ZBED5: variants seen among roughly 807,000 people sequenced by gnomAD.
ZBED5 encodes the protein zinc finger BED domain-containing protein 5.
A neutral mutation model predicts 49.2 loss-of-function variants in ZBED5; 29 were observed. That is an observed-to-expected ratio of 0.59 (90% CI 0.44 to 0.80). The LOEUF is 0.80. ZBED5 is among the 30% of genes least tolerant of loss of function. The pLI is 0.00. For missense variants in ZBED5, 775 were observed against 812.9 expected (o/e 0.95, Z 0.57); for synonymous variants, 281 against 292.5 (o/e 0.96, Z 0.40).
chr11:10,852,854 TC>T lies in ZBED5; in HGVS notation c.*9del. 1.3e-6 allele frequency: 2 copies of T among 1,510,184 alleles called. No individual in the cohort carries two copies. The highest frequency in any genetic ancestry group is 1.8e-6 in the Non-Finnish European group (2 of 1,119,686). 93.5% of individuals were successfully genotyped at this position (1,510,184 alleles called of 1,614,324 possible). ...TTTGGTTATCATGAGACATGCAAAC[TC>T]CTCCAATTTTAATGAGAACAGTGTT... On this transcript the variant is annotated 3_prime_UTR_variant, in exon 3 of 3. Coordinates refer to ENST00000413761, the MANE Select transcript of ZBED5 (RefSeq NM_001143667.2).
rs1848116658 is a variant in ZBED5, at chr11:10,852,730, C to A, written c.*134G>T. ...ATGTTTAAAACGTTTGATTCTTTAG[C>A]CTTCTTAAAATCTAAATAGTATAAA... On this transcript the variant is annotated 3_prime_UTR_variant, in exon 3 of 3. Transcript: ENST00000413761. 6 of 1,324,862 alleles carry A rather than the reference C, an allele frequency of 4.5e-6. No homozygotes were observed. The South Asian group carries it at 7.3e-5, about 16-fold the overall frequency. 82.1% of individuals were successfully genotyped at this position (1,324,862 alleles called of 1,614,324 possible).
intron 1 of ZBED5, among the ~76,000 whole-genome samples, chr11:10,856,507 A>ACAC (rs1198867431): frequency 6.6e-6 from 1 of 152,200 alleles, no homozygotes; most frequent in Non-Finnish European, 1.5e-5. Flanking sequence ...TGTTAAAACA[A>ACAC]CACCACCACC....
rs748714641 is a variant in ZBED5, at chr11:10,853,742, TATA to T, written c.1201_1203del (p.Tyr401del). On this transcript the variant is annotated inframe_deletion, in exon 3 of 3. Coordinates refer to ENST00000413761, the MANE Select transcript of ZBED5 (RefSeq NM_001143667.2). The surrounding 1 kb of genome is among the most constrained non-coding windows in gnomAD (Gnocchi z 5.4). ...CTGGATTGATGTGGTCGAGCTTTAA[TATA>T]ATTGATGATTTGTACTGCCTGGTCT... The T allele has an allele frequency of 8.5e-5, 132 of 1,551,532 alleles. No homozygotes were observed. The highest frequency in any genetic ancestry group is 1.1e-4 in the Non-Finnish European group (127 of 1,146,938).
chr11:10,853,623 A>G lies in ZBED5; in HGVS notation c.1323T>C (p.Leu441=), dbSNP rs1174092477. 6.4e-7 allele frequency: 1 copy of G among 1,551,514 alleles called. No individual in the cohort carries two copies. The highest frequency in any genetic ancestry group is 8.7e-7 in the Non-Finnish European group (1 of 1,146,956). ...CACGACGAAGTTCAAAAAGTCTTAC[A>G]AGAACTTTACCTCGAGAAAGCCACC... ...EVRWLSRGKV[L]VRLFELRREL... The change falls in exon 3 of 3, where the codon CTT becomes CTC. Residue 441 remains leucine (L), a synonymous_variant. Coordinates refer to ENST00000413761, the MANE Select transcript of ZBED5 (RefSeq NM_001143667.2). The surrounding 1 kb of genome is among the most constrained non-coding windows in gnomAD (Gnocchi z 5.4).
rs1429286577 is a variant in ZBED5 at position 10,855,567 on chromosome 11, C to T, written c.-141-481G>A. 6.6e-6 allele frequency: 1 copy of T among 152,172 alleles called. No homozygotes were observed. Among genetic ancestry groups the T allele is most frequent in the Non-Finnish European group, 1.5e-5 (1 of 68,064 alleles). 9.4% of individuals were successfully genotyped at this position (152,172 alleles called of 1,614,324 possible). A position where few individuals can be genotyped will look rare whatever the true frequency, so the allele number is the denominator to read the frequency against. ...GTGAAATCTCTTTTAGCTTTTGATGCCTACTGTCATTAGATGTATTAGTTG... is the reference window on the plus strand; with the variant it reads ...GTGAAATCTCTTTTAGCTTTTGATGTCTACTGTCATTAGATGTATTAGTTG... On this transcript the variant is annotated intron_variant, in intron 2 of 2. Coordinates refer to ENST00000413761, the MANE Select transcript of ZBED5 (RefSeq NM_001143667.2). The surrounding 1 kb of genome is among the most constrained non-coding windows in gnomAD (Gnocchi z 4.1).
Position 10,854,467 on chromosome 11 carries a change from T to C in ZBED5, c.479A>G (p.Tyr160Cys), listed in dbSNP as rs1324183819. ...RRHLETKHAA[Y>C]KDKDISFFKQ... ...GAAAAAGCTTATGTCTTTGTCTTTATATGCAGCATGTTTAGTTTCCAAATG... is the reference window on the plus strand; with the variant it reads ...GAAAAAGCTTATGTCTTTGTCTTTACATGCAGCATGTTTAGTTTCCAAATG... Residue 160 changes from tyrosine to cysteine, a missense_variant, in exon 3 of 3, where the codon TAT (tyrosine) becomes TGT (cysteine). Transcript: ENST00000413761. This position sits in a 1 kb window ranked among gnomAD's most constrained non-coding sequence, Gnocchi z 5.0. 4 of 1,551,376 alleles carry C rather than the reference T, an allele frequency of 2.6e-6. No homozygotes were observed. The highest frequency in any genetic ancestry group is 2.6e-6 in the Non-Finnish European group (3 of 1,146,920).
At position 10,853,136 on chromosome 11, in the gene ZBED5, C is replaced by A. The variant is rs1410233341; in HGVS notation, c.1810G>T (p.Val604Leu). 4 of 1,551,648 alleles carry A rather than the reference C, an allele frequency of 2.6e-6. No homozygotes were observed. Among genetic ancestry groups the A allele is most frequent in the Non-Finnish European group, 3.5e-6 (4 of 1,146,964 alleles). The change falls in exon 3 of 3, where the codon GTG (valine) becomes TTG (leucine). Residue 604 changes from valine (V) to leucine (L), a missense_variant. Val to Leu is a conservative substitution (Grantham distance 32). Coordinates refer to ENST00000413761, the MANE Select transcript of ZBED5 (RefSeq NM_001143667.2). This position sits in a 1 kb window ranked among gnomAD's most constrained non-coding sequence, Gnocchi z 5.4. ...SLIDLTSDSQVKQNFSELSLN... is the reference protein window; with the variant it reads ...SLIDLTSDSQLKQNFSELSLN... ...GAAAGTTCACTAAAATTTTGCTTCA[C>A]TTGAGAATCAGATGTTAAATCAATC...
rs1298239390 is a variant in ZBED5, at chr11:10,852,973, T to A, written c.1973A>T (p.Tyr658Phe). Residue 658 changes from tyrosine to phenylalanine, a missense_variant, in exon 3 of 3, where the codon TAT (tyrosine) becomes TTT (phenylalanine). Tyr to Phe is a conservative substitution (Grantham distance 22). Transcript: ENST00000413761. ...FSYYAATKTK[Y>F]RKRLDAAPHM... Reference sequence around the variant, plus strand: ...AGGTGCAGCATCAAGTCTTTTCCTATATTTTGTTTTTGTTGCAGCGTAATA... The same window carrying A: ...AGGTGCAGCATCAAGTCTTTTCCTAAATTTTGTTTTTGTTGCAGCGTAATA... 1.9e-6 allele frequency: 3 copies of A among 1,551,534 alleles called. No individual in the cohort carries two copies. In the South Asian group the frequency reaches 3.6e-5, roughly 18 times the overall value.
chr11:10,856,818 C>G (rs1642214572), intron 1 of ZBED5, among the ~76,000 whole-genome samples: 1 of 152,212 alleles, frequency 6.6e-6, no homozygotes, highest in Non-Finnish European at 1.5e-5. Flanking sequence ...CACAGGTTAA[C>G]ACATCTCGCT....
rs1002584755 is a variant in ZBED5 at position 10,855,898 on chromosome 11, T to A, written c.-142+246A>T. ...TTAACCAGGACCTAAAAAAAAAAAA[T>A]AAACTCTCATTTAAGAGGTTTATTT... On this transcript the variant is annotated intron_variant, in intron 2 of 2. Coordinates refer to ENST00000413761, the MANE Select transcript of ZBED5 (RefSeq NM_001143667.2). This position sits in a 1 kb window ranked among gnomAD's most constrained non-coding sequence, Gnocchi z 4.1. The A allele has an allele frequency of 2.7e-4, 41 of 151,202 alleles. No individual in the cohort carries two copies. The highest frequency in any genetic ancestry group is 9.0e-4 in the African/African-American group (37 of 41,114). 9.4% of individuals were successfully genotyped at this position (151,202 alleles called of 1,614,324 possible). A position where few individuals can be genotyped will look rare whatever the true frequency, so the allele number is the denominator to read the frequency against.
At position 10,854,735 on chromosome 11, in the gene ZBED5, C is replaced by T; in HGVS notation, c.211G>A (p.Glu71Lys). The T allele has an allele frequency of 6.4e-7, 1 of 1,551,754 alleles. No homozygotes were observed. Among genetic ancestry groups the T allele is most frequent in the African/African-American group, 1.4e-5 (1 of 73,170 alleles). The change falls in exon 3 of 3, where the codon GAA (glutamate) becomes AAA (lysine). Residue 71 changes from glutamate to lysine, a missense_variant. By Grantham distance (56) the Glu-to-Lys change is moderately conservative. Coordinates refer to ENST00000413761, the MANE Select transcript of ZBED5 (RefSeq NM_001143667.2). The surrounding 1 kb of genome is among the most constrained non-coding windows in gnomAD (Gnocchi z 5.0). Reference sequence around the variant, plus strand: ...ACTGAAGGTTGCAACTGCTTATCTTCACTTTGTAATATTCCAACCTTCTGA... The same window carrying T: ...ACTGAAGGTTGCAACTGCTTATCTTTACTTTGTAATATTCCAACCTTCTGA... ...NDQKVGILQS[E>K]DKQLQPSVSK...
rs1848133238 is a variant in ZBED5, at chr11:10,853,625, G to C, written c.1321C>G (p.Leu441Val). Residue 441 changes from leucine (L) to valine (V), a missense_variant, in exon 3 of 3, where the codon CTT (leucine) becomes GTT (valine). By Grantham distance (32) the Leu-to-Val change is conservative (BLOSUM62 1). Coordinates refer to ENST00000413761, the MANE Select transcript of ZBED5 (RefSeq NM_001143667.2). This position sits in a 1 kb window ranked among gnomAD's most constrained non-coding sequence, Gnocchi z 5.4. ...CGACGAAGTTCAAAAAGTCTTACAAGAACTTTACCTCGAGAAAGCCACCTC... is the reference window on the plus strand; with the variant it reads ...CGACGAAGTTCAAAAAGTCTTACAACAACTTTACCTCGAGAAAGCCACCTC... ...EVRWLSRGKV[L>V]VRLFELRREL... is the part of the protein sequence containing the mutation. The C allele has an allele frequency of 3.2e-6, 5 of 1,551,558 alleles. No individual in the cohort carries two copies. Among genetic ancestry groups the C allele is most frequent in the Non-Finnish European group, 4.4e-6 (5 of 1,146,926 alleles).
chr11:10,856,193 C>CT lies in ZBED5; in HGVS notation c.-192dup, dbSNP rs2119524034. 6.6e-6 allele frequency: 1 copy of CT among 152,176 alleles called. No homozygotes were observed. Among genetic ancestry groups the CT allele is most frequent in the South Asian group, 2.1e-4 (1 of 4,826 alleles). 9.4% of individuals were successfully genotyped at this position (152,176 alleles called of 1,614,324 possible). Reference sequence around the variant, plus strand: ...GTAATCCCTCTCTCCACCTTGGCAGCTTGAAATGCACTCTTCAAAAGAATA... The same window carrying CT: ...GTAATCCCTCTCTCCACCTTGGCAGCTTTGAAATGCACTCTTCAAAAGAATA... On this transcript the variant is annotated 5_prime_UTR_variant, in exon 2 of 3. Transcript: ENST00000413761.
Position 10,852,775 on chromosome 11 carries a change from T to G in ZBED5, c.*89A>C, listed in dbSNP as rs1172605391. 2 of 1,410,594 alleles carry G rather than the reference T, an allele frequency of 1.4e-6. No homozygotes were observed. The highest frequency in any genetic ancestry group is 2.9e-5 in the African/African-American group (2 of 69,418). 87.4% of individuals were successfully genotyped at this position (1,410,594 alleles called of 1,614,324 possible). On this transcript the variant is annotated 3_prime_UTR_variant, in exon 3 of 3. Coordinates refer to ENST00000413761, the MANE Select transcript of ZBED5 (RefSeq NM_001143667.2). Reference sequence around the variant, plus strand: ...TATAAAAAAATGGAATCATTTTATTTAAATCCCCCAAATACCAGAGATGAA... The same window carrying G: ...TATAAAAAAATGGAATCATTTTATTGAAATCCCCCAAATACCAGAGATGAA...
At position 10,854,827 on chromosome 11, in the gene ZBED5, A is replaced by T; in HGVS notation, c.119T>A (p.Leu40Gln). ...TTCTTGTTTAAGACTTCCTTGTTTC[A>T]GCAACAGATCCATGGGCAATGAGTT... ...TTNSLPMDLL[L>Q]KQGSLKQEVE... The change falls in exon 3 of 3, where the codon CTG (leucine) becomes CAG (glutamine). Residue 40 changes from leucine to glutamine, a missense_variant. Physicochemically the swap from Leu to Gln is moderately radical, Grantham distance 113. Transcript: ENST00000413761. This position sits in a 1 kb window ranked among gnomAD's most constrained non-coding sequence, Gnocchi z 5.0. The T allele has an allele frequency of 4.5e-6, 7 of 1,552,094 alleles. No individual in the cohort carries two copies. Among genetic ancestry groups the T allele is most frequent in the Non-Finnish European group, 3.5e-6 (4 of 1,147,016 alleles).
rs1398266589 is a variant in ZBED5 at position 10,857,161 on chromosome 11, T to C, written c.-256+701A>G. The C allele has an allele frequency of 6.6e-6, 1 of 152,190 alleles. No homozygotes were observed. The highest frequency in any genetic ancestry group is 1.5e-5 in the Non-Finnish European group (1 of 68,038). 9.4% of individuals were successfully genotyped at this position (152,190 alleles called of 1,614,324 possible). On this transcript the variant is annotated intron_variant, in intron 1 of 2. Transcript: ENST00000413761. This position sits in a 1 kb window ranked among gnomAD's most constrained non-coding sequence, Gnocchi z 6.3. The stretch of plus-strand genomic sequence containing the variant: ...ACGTAAAAGATCAGGATCCCTCTCG[T>C]TGCCAGAGGACACAGAAGAGTAGGA...
In ZBED5 at chr11:10,853,677, G is replaced by A; in HGVS notation, c.1269C>T (p.His423=). The A allele has an allele frequency of 6.4e-7, 1 of 1,551,650 alleles. No homozygotes were observed. The highest frequency in any genetic ancestry group is 8.7e-7 in the Non-Finnish European group (1 of 1,146,948). The change falls in exon 3 of 3, where the codon CAC becomes CAT. Residue 423 remains histidine (H), a synonymous_variant. Coordinates refer to ENST00000413761, the MANE Select transcript of ZBED5 (RefSeq NM_001143667.2). This position sits in a 1 kb window ranked among gnomAD's most constrained non-coding sequence, Gnocchi z 5.4. The stretch of plus-strand genomic sequence containing the variant: ...CCTCTGTATTTAGAAGAAGTGCTGT[G>A]TGCTGAGCACCCATTTCCTCACATA... ...KILCEEMGAQ[H]TALLLNTEVR...
chr11:10,854,874 T>C lies in ZBED5; in HGVS notation c.72A>G (p.Lys24=). ...NTFAILNVYS[K]LTMFCTTNSL... ...AGTTTGTGGTACAAAACATGGTTAA[T>C]TTAGAATAGACATTGAGTATCGCAA... Residue 24 remains lysine (K), a synonymous_variant, in exon 3 of 3, where the codon AAA becomes AAG. Coordinates refer to ENST00000413761, the MANE Select transcript of ZBED5 (RefSeq NM_001143667.2). The surrounding 1 kb of genome is among the most constrained non-coding windows in gnomAD (Gnocchi z 5.0). 6.4e-7 allele frequency: 1 copy of C among 1,551,818 alleles called. No individual in the cohort carries two copies. The highest frequency in any genetic ancestry group is 8.7e-7 in the Non-Finnish European group (1 of 1,146,944).
In ZBED5 at chr11:10,854,227, G is replaced by C. The variant is rs1848147332; in HGVS notation, c.719C>G (p.Ala240Gly). 2 of 1,550,834 alleles carry C rather than the reference G, an allele frequency of 1.3e-6. No individual in the cohort carries two copies. Among genetic ancestry groups the C allele is most frequent in the African/African-American group, 1.4e-5 (1 of 73,076 alleles). Residue 240 changes from alanine to glycine, a missense_variant, in exon 3 of 3, where the codon GCA (alanine) becomes GGA (glycine). Ala to Gly is a moderately conservative substitution (Grantham distance 60, BLOSUM62 0). Transcript: ENST00000413761. This position sits in a 1 kb window ranked among gnomAD's most constrained non-coding sequence, Gnocchi z 5.0. Reference sequence around the variant, plus strand: ...AACAGTACTGTTTGATAGCTGTACTGCATCTATTTTTTTACTATATTGTTC... The same window carrying C: ...AACAGTACTGTTTGATAGCTGTACTCCATCTATTTTTTTACTATATTGTTC... ...FDEQYSKKID[A>G]VQLSNSTVAR...
Sources: gnomAD v4.1 joint callset for allele counts (sites outside exome capture counted in the v4.1 genomes callset) on GRCh38, gnomAD v4.1.1 for gene constraint, Gnocchi (gnomAD v3.1) non-coding constraint, MANE v1.5 for transcripts, NCBI Gene and HGNC (gene_info 2026-07-23, HGNC 2026-07-21) for gene names.